Variants in MRPS28 observed in about 807,000 individuals in gnomAD.
MRPS28 encodes the protein small ribosomal subunit protein bS1m.
Under a neutral mutation model 10.8 loss-of-function variants are expected in MRPS28, and 7 were observed. The ratio of observed to expected loss-of-function variants is 0.65; its 90% CI spans 0.37 to 1.22. The LOEUF is 1.22. Among genes scored for constraint, MRPS28 ranks in the 50% most tolerant of loss-of-function variants. MRPS28 has a pLI of 0.02. For missense variants in MRPS28, 265 were observed against 232.9 expected, an observed-to-expected ratio of 1.14 and a Z score of -0.90; for synonymous variants, 121 against 93.3, an observed-to-expected ratio of 1.30 and a Z score of -1.71.
chr8:79,959,650 T>C (rs1417045501), intron 2 of MRPS28, among the ~76,000 whole-genome samples: 1 of 152,096 alleles, frequency 6.6e-6, no homozygotes, highest in East Asian at 1.9e-4. Flanking sequence ...GTTTTGGGTA[T>C]GAAAGAAAGG....
chr8:79,961,314 ATAAT>A (rs1205310167), intron 2 of MRPS28, among the ~76,000 whole-genome samples: 1 of 152,146 alleles, frequency 6.6e-6, no homozygotes, highest in African/African-American at 2.4e-5. Flanking sequence ...TACACAATAC[ATAAT>A]TAAGTAATCT....
At chr8:79,921,777 C>G (rs1026330673) in intron 2 of MRPS28, among the ~76,000 whole-genome samples, 5 of 152,118 alleles carry the variant, frequency 3.3e-5, no homozygotes, top group African/African-American at 1.2e-4. Context: ...CCTTTATTTC[C>G]TTCTCCTGCC....
At chr8:80,017,238 T>C (rs1437514488) in intron 1 of MRPS28, among the ~76,000 whole-genome samples, 1 of 152,046 alleles carries the variant, frequency 6.6e-6, no homozygotes, top group Middle Eastern at 3.2e-3. Context: ...TAAAAATACT[T>C]TGAACTAAAT....
intron 2 of MRPS28, among the ~76,000 whole-genome samples, chr8:79,990,135 T>C (rs1808317593): frequency 6.6e-6 from 1 of 152,200 alleles, no homozygotes; most frequent in East Asian, 1.9e-4. Context: ...CATTCCAACC[T>C]GGGTGACAGA....
chr8:79,955,968 T>C (rs919439896), intron 2 of MRPS28, among the ~76,000 whole-genome samples: 10 of 152,304 alleles, frequency 6.6e-5, no homozygotes, highest in African/African-American at 1.9e-4. Context: ...GCAAGCAACA[T>C]AGGACCAAAA....
chr8:79,932,426 T>G (rs1806487062), intron 2 of MRPS28, among the ~76,000 whole-genome samples: 1 of 152,026 alleles, frequency 6.6e-6, no homozygotes. Flanking sequence ...CACCGTTGGT[T>G]CAAAGGCTCA....
At chr8:79,971,587 A>C (rs956263087) in intron 2 of MRPS28, among the ~76,000 whole-genome samples, 2 of 152,232 alleles carry the variant, frequency 1.3e-5, no homozygotes, top group Non-Finnish European at 2.9e-5. Flanking sequence ...ACTATTCTGC[A>C]CATTTCATAT....
chr8:80,024,903 C>T (rs1159169764), intron 1 of MRPS28, among the ~76,000 whole-genome samples: 1 of 152,066 alleles, frequency 6.6e-6, no homozygotes, highest in Non-Finnish European at 1.5e-5. Context: ...CACAAAACTC[C>T]AGAGCATTCA....
chr8:79,980,433 A>C (rs1807924443), intron 2 of MRPS28, among the ~76,000 whole-genome samples: 1 of 152,254 alleles, frequency 6.6e-6, no homozygotes, highest in Non-Finnish European at 1.5e-5. Flanking sequence ...TATGAAGACA[A>C]GAACAGGCAG....
rs532804995 is a variant in MRPS28 at position 80,016,263 on chromosome 8, T to A, written c.214-13083A>T. 9.9e-5 allele frequency among the ~76,000 whole-genome samples: 15 copies of A among 151,424 alleles called. No individual in the cohort carries two copies. In the East Asian group the frequency reaches 2.7e-3, roughly 27 times the overall value. ...GTATCATTTTCAAACTACAGAAAAA[T>A]CAAAGATGAAGAAAAAATTCTAAAA... On this transcript the variant is annotated intron_variant, in intron 1 of 2. Coordinates refer to ENST00000276585, the MANE Select transcript of MRPS28 (RefSeq NM_014018.3).
At chr8:80,011,317 T>C (rs1430807980) in intron 1 of MRPS28, among the ~76,000 whole-genome samples, 1 of 151,818 alleles carries the variant, frequency 6.6e-6, no homozygotes, top group Non-Finnish European at 1.5e-5. Context: ...CTGCCCACTT[T>C]CCCTATGATC....
At chr8:79,952,724 C>G (rs1348662188) in intron 2 of MRPS28, among the ~76,000 whole-genome samples, 2 of 152,146 alleles carry the variant, frequency 1.3e-5, no homozygotes. Flanking sequence ...AGGGAGCCAG[C>G]TGTTTAATAT....
rs1392701544 is a variant in MRPS28, at chr8:79,944,700, TC to T, written c.396-25553del. On this transcript the variant is annotated intron_variant, in intron 2 of 2. Coordinates refer to ENST00000276585, the MANE Select transcript of MRPS28 (RefSeq NM_014018.3). ...AGCCATAATTTTTCTTTTTCTTTTT[TC>T]TTTTTTTTTTTTGAGACAAGGTCTC... Among the ~76,000 whole-genome samples, 30 of 47,710 alleles carry T rather than the reference TC, an allele frequency of 6.3e-4. 1 individual carries two copies. Among genetic ancestry groups the T allele is most frequent in the African/African-American group, 9.1e-4 (7 of 7,724 alleles). 31.3% of individuals were successfully genotyped at this position (47,710 alleles called of 152,430 possible). A position where few individuals can be genotyped will look rare whatever the true frequency, so the allele number is the denominator to read the frequency against.
At chr8:79,969,314 T>C (rs1209388743) in intron 2 of MRPS28, among the ~76,000 whole-genome samples, 1 of 152,208 alleles carries the variant, frequency 6.6e-6, no homozygotes, top group African/African-American at 2.4e-5. Flanking sequence ...GTCATTCACT[T>C]GATAGGAAGA....
intron 2 of MRPS28, among the ~76,000 whole-genome samples, chr8:79,932,795 T>C (rs2129902123): frequency 6.6e-6 from 1 of 152,248 alleles, no homozygotes; most frequent in East Asian, 1.9e-4. Context: ...GGCAGCCAGA[T>C]CTAACACCAC....
At chr8:79,990,633 GC>G (rs33990513) in intron 2 of MRPS28, among the ~76,000 whole-genome samples, 152,193 of 152,196 alleles carry the variant, frequency 1, 76,095 homozygotes, top group Middle Eastern at 1. Context: ...TGCATACACA[GC>G]AAAAAGAAAA....
At chr8:79,999,269 G>A (rs1808591410) in intron 2 of MRPS28, among the ~76,000 whole-genome samples, 1 of 152,158 alleles carries the variant, frequency 6.6e-6, no homozygotes, top group South Asian at 2.1e-4. Flanking sequence ...TAATCTAAAC[G>A]TACAGGTACA....
chr8:80,011,095 A>G (rs1809029862), intron 1 of MRPS28, among the ~76,000 whole-genome samples: 1 of 151,990 alleles, frequency 6.6e-6, no homozygotes, highest in Non-Finnish European at 1.5e-5. Context: ...AGTGTAAAAG[A>G]GTAATTCTAA....
At chr8:80,020,975 C>T (rs993099799) in intron 1 of MRPS28, among the ~76,000 whole-genome samples, 2 of 149,702 alleles carry the variant, frequency 1.3e-5, no homozygotes, top group East Asian at 3.9e-4. Flanking sequence ...AAAGAAACTA[C>T]AGTACGAATA....
Sources: gnomAD v4.1 joint callset for allele counts (sites outside exome capture counted in the v4.1 genomes callset) on GRCh38, gnomAD v4.1.1 for gene constraint, MANE v1.5 for transcripts, NCBI Gene and HGNC (gene_info 2026-07-23, HGNC 2026-07-21) for gene names.